Variants in PHLPP1 observed in about 807,000 individuals in gnomAD.
PHLPP1 encodes PH domain and leucine rich repeat protein phosphatase 1.
PHLPP1 carries 42 observed loss-of-function variants against 117.2 expected under a neutral mutation model. That is an observed-to-expected ratio of 0.36 (90% confidence interval 0.28 to 0.46). The LOEUF is 0.46. PHLPP1 is among the 20% of genes least tolerant of loss of function. The pLI is 1.00. For missense variants in PHLPP1, 2,084 were observed against 2,241.9 expected (o/e 0.93, Z 1.42); for synonymous variants, 1,042 against 970.7 (o/e 1.07, Z -1.37).
At chr18:62,832,489 A>G (rs1168481293) in intron 2 of PHLPP1, among the ~76,000 whole-genome samples, 1 of 152,238 alleles carries the variant, frequency 6.6e-6, no homozygotes, top group Non-Finnish European at 1.5e-5. Flanking sequence ...AGATCCGGTT[A>G]TAATTAGCAT....
Position 62,941,914 on chromosome 18 carries a change from G to C in PHLPP1, c.3157G>C (p.Ala1053Pro). ...CTATAACCGACTTCAGAGTTTTCCA[G>C]CAAGGTAAAGGACAGTTGTAAAGCT... ...MAYNRLQSFP[A>P]SKMAKLEELE... The change falls in exon 11 of 17, where the codon GCA becomes CCA. Residue 1053 changes from alanine (A) to proline (P), a missense_variant. Around this residue, in one of 2 missense-constraint regions of PHLPP1, gnomAD observed 1,365 missense variants for 1,605.9 expected, o/e 0.85. Transcript: ENST00000262719. The C allele has an allele frequency of 6.2e-7, 1 of 1,612,622 alleles. No homozygotes were observed.
intron 1 of PHLPP1, among the ~76,000 whole-genome samples, chr18:62,742,370 A>G (rs990078280): frequency 1.3e-5 from 2 of 152,100 alleles, no homozygotes; most frequent in African/African-American, 4.8e-5. Flanking sequence ...TGAGGCCCCA[A>G]GATGCTCCCA....
rs1599149753 is a variant in PHLPP1 at position 62,975,715 on chromosome 18, T to C, written c.3984+90T>C. On this transcript the variant is annotated intron_variant, in intron 16 of 16. Coordinates refer to ENST00000262719, the MANE Select transcript of PHLPP1 (RefSeq NM_194449.4). ...GAAACTAGCTAGGGAGCATTTGCCT[T>C]CAAAGAACACTTTTGAAGTTGGTTT... The C allele has an allele frequency of 3.7e-6, 3 of 801,140 alleles. No homozygotes were observed. The East Asian group carries it at 7.4e-5, about 20-fold the overall frequency. The allele number at this position is 801,140 out of a possible 1,614,324, so 49.6% of individuals were successfully genotyped here. A position where few individuals can be genotyped will look rare whatever the true frequency, so the allele number is the denominator to read the frequency against.
chr18:62,798,224 T>G (rs1393555434), intron 1 of PHLPP1, among the ~76,000 whole-genome samples: 1 of 152,200 alleles, frequency 6.6e-6, no homozygotes, highest in Admixed American at 6.5e-5. Context: ...ATCCTGATGC[T>G]GCTGGACCCA....
intron 15 of PHLPP1, 59 bp downstream of exon 15, chr18:62,972,767 C>A: frequency 7.6e-7 from 1 of 1,316,200 alleles, no homozygotes; most frequent in Non-Finnish European, 1.1e-6. Flanking sequence ...GAGTGTTTAT[C>A]CTCTGTTTAG....
intron 3 of PHLPP1, among the ~76,000 whole-genome samples, chr18:62,852,971 A>G (rs910542044): frequency 6.6e-6 from 1 of 152,192 alleles, no homozygotes; most frequent in Non-Finnish European, 1.5e-5. Flanking sequence ...AGATTGGTTT[A>G]CAAATGCAAC....
At chr18:62,817,601 A>G (rs1350247310) in intron 1 of PHLPP1, among the ~76,000 whole-genome samples, 1 of 152,122 alleles carries the variant, frequency 6.6e-6, no homozygotes, top group East Asian at 1.9e-4. Flanking sequence ...GAACTGTGGG[A>G]TAACTTCAAG....
At chr18:62,852,029 A>C (rs927388476) in intron 3 of PHLPP1, among the ~76,000 whole-genome samples, 10 of 151,736 alleles carry the variant, frequency 6.6e-5, no homozygotes, top group Non-Finnish European at 1.3e-4. Flanking sequence ...GGCACGTGCC[A>C]CCACACCTGG....
At chr18:62,928,209 T>C (rs1263210620) in intron 10 of PHLPP1, among the ~76,000 whole-genome samples, 1 of 152,050 alleles carries the variant, frequency 6.6e-6, no homozygotes, top group African/African-American at 2.4e-5. Flanking sequence ...TTGGATTTGA[T>C]CAAAATTTAA....
intron 4 of PHLPP1, among the ~76,000 whole-genome samples, chr18:62,874,299 G>A (rs1915981537): frequency 6.6e-6 from 1 of 152,084 alleles, no homozygotes. Context: ...CCTGAGGTCA[G>A]GAGTTTGCGA....
At chr18:62,796,332 CAG>C (rs1393199856) in intron 1 of PHLPP1, among the ~76,000 whole-genome samples, 1 of 152,122 alleles carries the variant, frequency 6.6e-6, no homozygotes, top group Non-Finnish European at 1.5e-5. Flanking sequence ...GAAACTAAGA[CAG>C]AGAGGTCAGT....
chr18:62,826,652 A>G (rs917894454), intron 1 of PHLPP1, among the ~76,000 whole-genome samples: 2 of 152,074 alleles, frequency 1.3e-5, no homozygotes, highest in African/African-American at 2.4e-5. Flanking sequence ...CAATTTTACT[A>G]TGTGAAATAA....
chr18:62,723,974 T>C (rs181896500), intron 1 of PHLPP1, among the ~76,000 whole-genome samples: 47 of 152,282 alleles, frequency 3.1e-4, no homozygotes, highest in Admixed American at 9.8e-4. Context: ...GTTGTAGTTG[T>C]TTTAAGTTCT....
intron 3 of PHLPP1, among the ~76,000 whole-genome samples, chr18:62,853,674 A>C (rs1915418862): frequency 2.0e-5 from 3 of 152,194 alleles, no homozygotes; most frequent in African/African-American, 7.2e-5. Context: ...CCAGCCTGTT[A>C]TTGTTAATAC....
At chr18:62,878,985 T>G (rs768153231) in intron 4 of PHLPP1, among the ~76,000 whole-genome samples, 1 of 152,214 alleles carries the variant, frequency 6.6e-6, no homozygotes, top group Non-Finnish European at 1.5e-5. Context: ...AATAATTTGG[T>G]CTACTTAATG....
At chr18:62,838,942 G>C (rs1161538311) in intron 3 of PHLPP1, 33 bp downstream of exon 3, 6 of 1,610,902 alleles carry the variant, frequency 3.7e-6, no homozygotes, top group Non-Finnish European at 3.4e-6. Flanking sequence ...AATCCACTCA[G>C]CTTCTAGCTG....
chr18:62,724,020 C>A (rs966463887), intron 1 of PHLPP1, among the ~76,000 whole-genome samples: 4 of 152,020 alleles, frequency 2.6e-5, no homozygotes, highest in African/African-American at 9.7e-5. Context: ...CTGTCAAATC[C>A]CCTGCCTTTT....
intron 1 of PHLPP1, among the ~76,000 whole-genome samples, chr18:62,826,872 C>T (rs568889223): frequency 3.3e-5 from 5 of 152,126 alleles, no homozygotes; most frequent in East Asian, 1.9e-4. Flanking sequence ...TGGTGGCACA[C>T]GTCTGTAGTC....
At chr18:62,937,512 T>C (rs1910010196) in intron 10 of PHLPP1, among the ~76,000 whole-genome samples, 1 of 152,248 alleles carries the variant, frequency 6.6e-6, no homozygotes, top group African/African-American at 2.4e-5. Flanking sequence ...AAAAGGTTTT[T>C]ATAATTATTT....
Sources: gnomAD v4.1 joint callset for allele counts (sites outside exome capture counted in the v4.1 genomes callset) on GRCh38, gnomAD v4.1.1 for gene constraint, gnomAD v4.1.1 regional missense constraint, MANE v1.5 for transcripts, NCBI Gene and HGNC (gene_info 2026-07-23, HGNC 2026-07-21) for gene names.